RFX3: variants seen among roughly 807,000 people sequenced by gnomAD.
RFX3 encodes the protein regulatory factor X3.
In RFX3, 14 loss-of-function variants were observed where a neutral mutation model predicts 98.6. The observed-to-expected ratio is 0.14, with a 90% CI of 0.09 to 0.22. RFX3 has a LOEUF of 0.22. Among genes scored for constraint, RFX3 ranks in the 10% least tolerant of loss-of-function variants. The probability of loss-of-function intolerance (pLI) is 1.00; values close to 1 mark genes in which losing one functional copy is unlikely to be tolerated. For synonymous variants in RFX3, 383 were observed against 328.4 expected, an observed-to-expected ratio of 1.17 and a Z score of -1.80; for missense variants, 639 against 926.9, an observed-to-expected ratio of 0.69 and a Z score of 4.03.
intron 1 of RFX3, among the ~76,000 whole-genome samples, chr9:3,458,494 A>C (rs1217560193): frequency 1.3e-5 from 2 of 152,204 alleles, no homozygotes; most frequent in African/African-American, 2.4e-5. Context: ...AAACATCAGA[A>C]TTTACCTATG....
At chr9:3,428,494 C>T (rs1312976317) in intron 1 of RFX3, among the ~76,000 whole-genome samples, 2 of 152,200 alleles carry the variant, frequency 1.3e-5, no homozygotes, top group Admixed American at 6.5e-5. Flanking sequence ...CCATACTTTT[C>T]CTTTTTCATG....
In RFX3 at chr9:3,359,103, C is replaced by T. The variant is rs75945490; in HGVS notation, c.118-12339G>A. On this transcript the variant is annotated intron_variant, in intron 2 of 16. Transcript: ENST00000617270. ...ATCTGGGCCTACGAGACCCTTGAAA[C>T]GATTTGGTGAAAGTAAGAAATGGAA... 3.5e-3 allele frequency among the ~76,000 whole-genome samples: 537 copies of T among 151,336 alleles called. 14 individuals carry two copies. The East Asian group carries it at 0.071, about 20-fold the overall frequency.
chr9:3,380,047 G>A lies in RFX3; in HGVS notation c.117+15425C>T, dbSNP rs532099486. Among the ~76,000 whole-genome samples the A allele has an allele frequency of 5.3e-5, 8 of 151,638 alleles. No homozygotes were observed. The East Asian group carries it at 1.2e-3, about 22-fold the overall frequency. On this transcript the variant is annotated intron_variant, in intron 2 of 16. Transcript: ENST00000617270. Reference sequence around the variant, plus strand: ...GTTCAAGCGATTCTCCTGCCTCCGCGTCCCAAGTAGCTGGGATTACAGGCA... The same window carrying A: ...GTTCAAGCGATTCTCCTGCCTCCGCATCCCAAGTAGCTGGGATTACAGGCA...
At chr9:3,325,017 G>C (rs1245549389) in intron 4 of RFX3, among the ~76,000 whole-genome samples, 3 of 151,966 alleles carry the variant, frequency 2.0e-5, no homozygotes, top group East Asian at 3.9e-4. Flanking sequence ...TGGTAATACT[G>C]GTTGCCTCTA....
At chr9:3,283,431 T>C (rs916269721) in intron 7 of RFX3, among the ~76,000 whole-genome samples, 4 of 148,678 alleles carry the variant, frequency 2.7e-5, no homozygotes, top group African/African-American at 1.0e-4. Context: ...TGAGGCTCAG[T>C]GAAGTTAAGT....
chr9:3,384,635 G>C (rs10971683), intron 2 of RFX3, among the ~76,000 whole-genome samples: 2,229 of 152,216 alleles, frequency 0.015, 74 homozygotes, highest in African/African-American at 0.051. Flanking sequence ...GTTTGAACTG[G>C]ACTTCTGACA....
intron 6 of RFX3, among the ~76,000 whole-genome samples, chr9:3,291,962 C>T (rs1366245167): frequency 2.1e-5 from 3 of 144,448 alleles, no homozygotes; most frequent in Non-Finnish European, 4.5e-5. Context: ...GAGGCTAAGG[C>T]AGGAGAATCA....
intron 15 of RFX3, among the ~76,000 whole-genome samples, chr9:3,230,049 T>C (rs535071157): frequency 1.4e-4 from 21 of 152,326 alleles, no homozygotes; most frequent in Non-Finnish European, 2.9e-4. Context: ...CATCTTGTTA[T>C]TTTACATCCA....
At chr9:3,348,664 C>T (rs72699069) in intron 2 of RFX3, among the ~76,000 whole-genome samples, 17,425 of 151,740 alleles carry the variant, frequency 0.11, 1,031 homozygotes, top group Middle Eastern at 0.16. Flanking sequence ...ATGACTTTAT[C>T]CCCCAGTACC....
At position 3,256,556 on chromosome 9, in the gene RFX3, T is replaced by C. The variant is rs1031330528; in HGVS notation, c.1814+435A>G. Among the ~76,000 whole-genome samples the C allele has an allele frequency of 3.9e-5, 6 of 152,152 alleles. No homozygotes were observed. In the South Asian group the frequency reaches 6.2e-4, roughly 16 times the overall value. ...ATTTGCATTTCTAACATGTTTCCAA[T>C]TGATAGTGGTGCTACTGGTTTAGGG... On this transcript the variant is annotated intron_variant, in intron 14 of 16. Coordinates refer to ENST00000617270, the MANE Select transcript of RFX3 (RefSeq NM_001282116.2).
intron 1 of RFX3, among the ~76,000 whole-genome samples, chr9:3,505,339 AAAT>A (rs1816914666): frequency 1.5e-5 from 1 of 64,808 alleles, no homozygotes; most frequent in Admixed American, 2.2e-4. Flanking sequence ...TATTTTATAT[AAAT>A]AAAATATTTT....
intron 7 of RFX3, among the ~76,000 whole-genome samples, chr9:3,282,772 T>C (rs1586869268): frequency 6.6e-6 from 1 of 151,902 alleles, no homozygotes; most frequent in Non-Finnish European, 1.5e-5. Context: ...TCTGGCTCCA[T>C]CTGATGCCAA....
chr9:3,254,419 C>T (rs1261745347), intron 14 of RFX3, among the ~76,000 whole-genome samples: 1 of 152,136 alleles, frequency 6.6e-6, no homozygotes, highest in Non-Finnish European at 1.5e-5. Context: ...TTGGAACAGC[C>T]AGTCAGTGTA....
intron 1 of RFX3, among the ~76,000 whole-genome samples, chr9:3,512,364 G>A (rs1476658870): frequency 6.6e-6 from 1 of 151,870 alleles, no homozygotes; most frequent in Non-Finnish European, 1.5e-5. Flanking sequence ...TACTACTCCA[G>A]TGTAAGTTTT....
chr9:3,491,010 T>G (rs1249971752), intron 1 of RFX3, among the ~76,000 whole-genome samples: 2 of 152,130 alleles, frequency 1.3e-5, no homozygotes, highest in African/African-American at 4.8e-5. Flanking sequence ...AACGTATATC[T>G]GATAATTTAG....
At chr9:3,493,528 C>A (rs952668388) in intron 1 of RFX3, among the ~76,000 whole-genome samples, 31 of 151,392 alleles carry the variant, frequency 2.0e-4, no homozygotes, top group Non-Finnish European at 4.1e-4. Flanking sequence ...ACTAAAAATA[C>A]AAAAAATTTT....
intron 1 of RFX3, among the ~76,000 whole-genome samples, chr9:3,448,570 T>C (rs1846262635): frequency 6.6e-6 from 1 of 152,124 alleles, no homozygotes. Context: ...TAGACTGCGG[T>C]GGCGCCATCA....
chr9:3,523,809 C>A (rs991917679), intron 1 of RFX3, among the ~76,000 whole-genome samples: 2 of 152,040 alleles, frequency 1.3e-5, no homozygotes, highest in African/African-American at 4.8e-5. Context: ...TTGCATGGAA[C>A]CCAGTTTGGG....
chr9:3,346,668 T>C lies in RFX3; in HGVS notation c.214A>G (p.Ile72Val), dbSNP rs759100951. The change falls in exon 3 of 17, where the codon ATC (isoleucine) becomes GTC (valine). Residue 72 changes from isoleucine (I) to valine (V), a missense_variant and splice_region_variant. By Grantham distance (29) the Ile-to-Val change is conservative. Transcript: ENST00000617270. ...AAAGACTTCCACATATAAACTTACA[T>C]TGCTCCATTGGTATAGACAGTATCG... Reference protein sequence around the residue: ...GSDTVYTNGAIRTTTYPYTET... With the variant: ...GSDTVYTNGAVRTTTYPYTET... 2 of 1,596,930 alleles carry C rather than the reference T, an allele frequency of 1.3e-6. No individual in the cohort carries two copies. Among genetic ancestry groups the C allele is most frequent in the South Asian group, 1.1e-5 (1 of 90,734 alleles).
Sources: allele counts gnomAD v4.1 joint callset (sites outside exome capture counted in the v4.1 genomes callset), GRCh38; gene constraint gnomAD v4.1.1; transcripts MANE v1.5; gene names NCBI Gene and HGNC (gene_info 2026-07-23, HGNC 2026-07-21).